CYB5R4: variants seen among roughly 807,000 people sequenced by gnomAD.
The protein encoded by CYB5R4 is N-terminal cytochrome b5 and cytochrome b5 oxidoreductase domain-containing protein.
Under a neutral mutation model 70.2 loss-of-function variants are expected in CYB5R4, and 55 were observed. The ratio of observed to expected loss-of-function variants is 0.78; its 90% CI spans 0.63 to 0.98. CYB5R4 has a LOEUF of 0.98. Among genes scored for constraint, CYB5R4 ranks in the 50% least tolerant of loss-of-function variants. The probability of loss-of-function intolerance (pLI) is 0.00; values close to 1 mark genes in which losing one functional copy is unlikely to be tolerated. For missense variants in CYB5R4, 562 were observed against 612.6 expected, an observed-to-expected ratio of 0.92 and a Z score of 0.87; for synonymous variants, 197 against 199.5, an observed-to-expected ratio of 0.99 and a Z score of 0.11.
At chr6:83,882,888 C>T (rs981301314) in intron 2 of CYB5R4, among the ~76,000 whole-genome samples, 1 of 152,084 alleles carries the variant, frequency 6.6e-6, no homozygotes, top group Non-Finnish European at 1.5e-5. Flanking sequence ...GTAGGAGAAT[C>T]ACCTGAGCCC....
At chr6:83,861,185 G>A (rs2099455871) in intron 1 of CYB5R4, among the ~76,000 whole-genome samples, 2 of 152,184 alleles carry the variant, frequency 1.3e-5, no homozygotes, top group South Asian at 4.1e-4. Flanking sequence ...ATTTAAAGGA[G>A]AAAACTTAGA....
At chr6:83,904,649 A>G (rs893914155) in intron 3 of CYB5R4, among the ~76,000 whole-genome samples, 2 of 152,162 alleles carry the variant, frequency 1.3e-5, no homozygotes, top group Non-Finnish European at 2.9e-5. Flanking sequence ...CTATTATTGT[A>G]TTGGAGTTTC....
At chr6:83,890,596 T>C (rs919851308) in intron 2 of CYB5R4, among the ~76,000 whole-genome samples, 15 of 152,190 alleles carry the variant, frequency 9.9e-5, no homozygotes, top group Non-Finnish European at 1.0e-4. Flanking sequence ...TTTGAGAGGA[T>C]TGACATCAAT....
chr6:83,872,111 C>G (rs1019070332), intron 2 of CYB5R4, among the ~76,000 whole-genome samples: 2 of 152,046 alleles, frequency 1.3e-5, no homozygotes, highest in Admixed American at 1.3e-4. Context: ...TCATTATATT[C>G]CTGGTTATTG....
intron 5 of CYB5R4, among the ~76,000 whole-genome samples, chr6:83,915,418 G>A (rs2099465351): frequency 6.6e-6 from 1 of 152,148 alleles, no homozygotes; most frequent in South Asian, 2.1e-4. Context: ...TTGTTCATCG[G>A]ATAATATAAC....
At chr6:83,928,098 A>G (rs1309466897) in intron 10 of CYB5R4, among the ~76,000 whole-genome samples, 1 of 152,218 alleles carries the variant, frequency 6.6e-6, no homozygotes. Context: ...GTGTCTTTTT[A>G]CAAGGATTTT....
At chr6:83,886,653 G>A (rs2099460295) in intron 2 of CYB5R4, among the ~76,000 whole-genome samples, 1 of 152,178 alleles carries the variant, frequency 6.6e-6, no homozygotes, top group South Asian at 2.1e-4. Flanking sequence ...ATGTAAGGAT[G>A]TTTCTGTGTA....
intron 14 of CYB5R4, among the ~76,000 whole-genome samples, chr6:83,952,273 C>T (rs1203013019): frequency 6.6e-6 from 1 of 152,034 alleles, no homozygotes; most frequent in African/African-American, 2.4e-5. Context: ...CTTGACATTA[C>T]AAAAAGATAA....
chr6:83,922,447 A>T lies in CYB5R4; in HGVS notation c.668A>T (p.His223Leu). ...AATTTGTCTGTCCTAGGGCTAAGCCATGAGGTTCAGGAAGATTTTTCTGGT... is the reference window on the plus strand; with the variant it reads ...AATTTGTCTGTCCTAGGGCTAAGCCTTGAGGTTCAGGAAGATTTTTCTGGT... ...CLYLIHIGLS[H>L]EVQEDFSVRV... Residue 223 changes from histidine (H) to leucine (L), a missense_variant, in exon 9 of 16, where the codon CAT becomes CTT. Transcript: ENST00000369681. 6.2e-7 allele frequency: 1 copy of T among 1,613,312 alleles called. No homozygotes were observed. The highest frequency in any genetic ancestry group is 1.7e-4 in the Middle Eastern group (1 of 6,058).
At chr6:83,892,747 G>A (rs180715806) in intron 2 of CYB5R4, among the ~76,000 whole-genome samples, 5 of 152,252 alleles carry the variant, frequency 3.3e-5, no homozygotes, top group African/African-American at 1.2e-4. Context: ...GATCAGAGAC[G>A]TGGATTAGAG....
rs1056844458 is a variant in CYB5R4, at chr6:83,934,606, A to C, written c.826A>C (p.Arg276=). ...IPRKDTGLYY[R]KCQLISKEDV... is the part of the protein sequence containing the mutation. ...GAATCACTTTTTAGGTTTGTACTACAGAAAGTGCCAGTTAATTTCCAAGGA... is the reference window on the plus strand; with the variant it reads ...GAATCACTTTTTAGGTTTGTACTACCGAAAGTGCCAGTTAATTTCCAAGGA... Residue 276 remains arginine (R), a synonymous_variant, in exon 11 of 16, where the codon AGA becomes CGA. Transcript: ENST00000369681. 2 of 1,610,008 alleles carry C rather than the reference A, an allele frequency of 1.2e-6. No individual in the cohort carries two copies. Among genetic ancestry groups the C allele is most frequent in the Non-Finnish European group, 1.7e-6 (2 of 1,176,884 alleles).
intron 11 of CYB5R4, among the ~76,000 whole-genome samples, chr6:83,935,784 G>A (rs893958571): frequency 1.3e-5 from 2 of 151,790 alleles, no homozygotes; most frequent in African/African-American, 2.4e-5. Flanking sequence ...CTTTTTCTCC[G>A]CCAAATGATC....
In CYB5R4 at chr6:83,916,742, T is replaced by C. The variant is rs1017572028; in HGVS notation, c.446-1263T>C. Among the ~76,000 whole-genome samples the C allele has an allele frequency of 2.0e-5, 3 of 152,170 alleles. No individual in the cohort carries two copies. The East Asian group carries it at 5.8e-4, about 29-fold the overall frequency. Reference sequence around the variant, plus strand: ...CCCATTCAGAAAAATATGACTGTTTTACATCTTACTTGCACTTGAGCTTGT... The same window carrying C: ...CCCATTCAGAAAAATATGACTGTTTCACATCTTACTTGCACTTGAGCTTGT... On this transcript the variant is annotated intron_variant, in intron 5 of 15. Coordinates refer to ENST00000369681, the MANE Select transcript of CYB5R4 (RefSeq NM_016230.4).
At chr6:83,873,917 C>T (rs906494403) in intron 2 of CYB5R4, among the ~76,000 whole-genome samples, 16 of 152,044 alleles carry the variant, frequency 1.1e-4, no homozygotes, top group African/African-American at 3.9e-4. Flanking sequence ...AACATTATTC[C>T]AGGCTTCAGG....
At chr6:83,943,917 T>C (rs2099470159) in intron 14 of CYB5R4, among the ~76,000 whole-genome samples, 1 of 151,808 alleles carries the variant, frequency 6.6e-6, no homozygotes, top group African/African-American at 2.4e-5. Context: ...GAAAAAAGAA[T>C]GAAAAGGAAT....
At chr6:83,959,709 T>C in intron 15 of CYB5R4, 115 bp from the exon 16 acceptor site, 1 of 872,150 alleles carries the variant, frequency 1.1e-6, no homozygotes. Context: ...TAAAAAAAAC[T>C]ACATAGTGAA....
chr6:83,962,643 C>T lies in CYB5R4; in HGVS notation c.*2765C>T, dbSNP rs1562850030. 1 of 152,210 alleles carries T rather than the reference C, an allele frequency of 6.6e-6. No homozygotes were observed. Among genetic ancestry groups the T allele is most frequent in the Non-Finnish European group, 1.5e-5 (1 of 68,054 alleles). 9.4% of individuals were successfully genotyped at this position (152,210 alleles called of 1,614,324 possible). ...CAACTGGGTCCTCTGCTTAAAGCCT[C>T]ACAAGGCTGTAATCAGATTGTCAGC... is the stretch of plus-strand genomic sequence containing the variant. On this transcript the variant is annotated 3_prime_UTR_variant, in exon 16 of 16. Coordinates refer to ENST00000369681, the MANE Select transcript of CYB5R4 (RefSeq NM_016230.4).
chr6:83,896,765 A>T (rs1437223947), intron 3 of CYB5R4, among the ~76,000 whole-genome samples: 1 of 152,090 alleles, frequency 6.6e-6, no homozygotes, highest in Non-Finnish European at 1.5e-5. Flanking sequence ...TGATGTAATG[A>T]TTTATTTTAC....
At position 83,893,530 on chromosome 6, in the gene CYB5R4, T is replaced by G; in HGVS notation, c.238T>G (p.Tyr80Asp). The change falls in exon 3 of 16, where the codon TAT becomes GAT. Residue 80 changes from tyrosine (Y) to aspartate (D), a missense_variant. Tyr to Asp is a radical substitution (Grantham distance 160, BLOSUM62 -3). Coordinates refer to ENST00000369681, the MANE Select transcript of CYB5R4 (RefSeq NM_016230.4). ...DCWICIRGFV[Y>D]NVSPYMEYHP... is the part of the protein sequence containing the mutation. ...TGTTTGCTTTGGTACAGGTTTCGTT[T>G]ATAATGTCAGCCCTTATATGGAGTA... is the stretch of plus-strand genomic sequence containing the variant. The G allele has an allele frequency of 6.2e-7, 1 of 1,603,802 alleles. No individual in the cohort carries two copies.
Sources: gnomAD v4.1 joint callset for allele counts (sites outside exome capture counted in the v4.1 genomes callset) on GRCh38, gnomAD v4.1.1 for gene constraint, MANE v1.5 for transcripts, NCBI Gene and HGNC (gene_info 2026-07-23, HGNC 2026-07-21) for gene names.